The following LRPPRC variants were observed in gnomAD, a reference collection of about 807,000 sequenced individuals.
LRPPRC encodes the protein leucine-rich PPR motif-containing protein, mitochondrial.
LRPPRC carries 120 observed loss-of-function variants against 180.3 expected under a neutral mutation model. That is an observed-to-expected ratio of 0.67 (90% CI 0.57 to 0.77). The LOEUF is 0.77. Among genes scored for constraint, LRPPRC ranks in the 30% least tolerant of loss-of-function variants. LRPPRC has a pLI of 0.00. For missense variants in LRPPRC, 2,012 were observed against 1,657.2 expected, an observed-to-expected ratio of 1.21 and a Z score of -3.72; for synonymous variants, 723 against 600.0, an observed-to-expected ratio of 1.21 and a Z score of -3.00.
Position 43,889,718 on chromosome 2 carries a change from A to G in LRPPRC, c.4128+16T>C, listed in dbSNP as rs1366183471. The G allele has an allele frequency of 1.9e-6, 3 of 1,600,810 alleles. 1 individual carries two copies. Among genetic ancestry groups the G allele is most frequent in the Non-Finnish European group, 2.6e-6 (3 of 1,168,682 alleles). ...TCTGCAGAGGTATTTTTTCCCCTTA[A>G]TTAAGAAATACTCACAGGGGGTTCA... is the stretch of plus-strand genomic sequence containing the variant. On this transcript the variant is annotated intron_variant, in intron 37 of 37. Coordinates refer to ENST00000260665, the MANE Select transcript of LRPPRC (RefSeq NM_133259.4).
At position 43,977,259 on chromosome 2, in the gene LRPPRC, T is replaced by A. The variant is rs1674099614; in HGVS notation, c.487A>T (p.Ser163Cys). Residue 163 changes from serine (S) to cysteine (C), a missense_variant, in exon 4 of 38, where the codon AGT becomes TGT. Coordinates refer to ENST00000260665, the MANE Select transcript of LRPPRC (RefSeq NM_133259.4). ...LQKLGAVYDV[S>C]HYNALLKVYL... Reference sequence around the variant, plus strand: ...ACTTTAAGTAAAGCATTATAGTGACTCACATCATACACAGCACCTACAAAT... The same window carrying A: ...ACTTTAAGTAAAGCATTATAGTGACACACATCATACACAGCACCTACAAAT... 6.3e-7 allele frequency: 1 copy of A among 1,599,794 alleles called. No homozygotes were observed. The highest frequency in any genetic ancestry group is 1.3e-5 in the African/African-American group (1 of 74,626).
intron 1 of LRPPRC, among the ~76,000 whole-genome samples, chr2:43,991,216 G>C (rs538072874): frequency 2.6e-5 from 4 of 151,902 alleles, no homozygotes; most frequent in African/African-American, 7.3e-5. Flanking sequence ...TTTTTAGTAA[G>C]AGACAGAATT....
At position 43,993,979 on chromosome 2, in the gene LRPPRC, A is replaced by T. The variant is rs116385619; in HGVS notation, c.149+1820T>A. ...AGATGGCTGAGATTACGCAGTAAGT[A>T]AACAGAACCCAGGTCTGATGAACAC... On this transcript the variant is annotated intron_variant, in intron 1 of 37. Coordinates refer to ENST00000260665, the MANE Select transcript of LRPPRC (RefSeq NM_133259.4). 5.9e-3 allele frequency among the ~76,000 whole-genome samples: 894 copies of T among 152,298 alleles called. 9 individuals are homozygous for T. The highest frequency in any genetic ancestry group is 0.02 in the African/African-American group (850 of 41,578).
chr2:43,887,543 T>G lies in LRPPRC; in HGVS notation c.*1057A>C, dbSNP rs993844489. ...CTGGAACAGTAGGGAGTCACCAAAT[T>G]CAAATGAACAAGGAATACCCCAAAA... On this transcript the variant is annotated 3_prime_UTR_variant, in exon 38 of 38. Transcript: ENST00000260665. 7 of 152,286 alleles carry G rather than the reference T, an allele frequency of 4.6e-5. No individual in the cohort carries two copies. Among genetic ancestry groups the G allele is most frequent in the African/African-American group, 1.7e-4 (7 of 41,558 alleles). 9.4% of individuals were successfully genotyped at this position (152,286 alleles called of 1,614,324 possible). A position where few individuals can be genotyped will look rare whatever the true frequency, so the allele number is the denominator to read the frequency against.
intron 23 of LRPPRC, among the ~76,000 whole-genome samples, chr2:43,935,887 C>T (rs1167770837): frequency 1.3e-5 from 2 of 151,970 alleles, no homozygotes; most frequent in Admixed American, 1.3e-4. Flanking sequence ...CCAAGGAGGG[C>T]GGATCACCTG....
chr2:43,970,478 T>A (rs956737452), intron 11 of LRPPRC, among the ~76,000 whole-genome samples: 8 of 152,120 alleles, frequency 5.3e-5, no homozygotes, highest in Admixed American at 5.2e-4. Context: ...AAAATACAAT[T>A]CACATTTCTT....
chr2:43,910,208 G>A (rs1447051429), intron 30 of LRPPRC, among the ~76,000 whole-genome samples: 2 of 150,772 alleles, frequency 1.3e-5, no homozygotes, highest in East Asian at 2.0e-4. Context: ...ACACTCCAGG[G>A]TAAGGCAAGG....
intron 30 of LRPPRC, 29 bp downstream of exon 30, chr2:43,912,403 A>G: frequency 6.3e-7 from 1 of 1,594,678 alleles, no homozygotes; most frequent in Non-Finnish European, 8.6e-7. Flanking sequence ...TTTTTAAACA[A>G]GAGGTTTAAT....
At chr2:43,987,491 C>CA (rs34151335) in intron 1 of LRPPRC, among the ~76,000 whole-genome samples, 49,366 of 75,724 alleles carry the variant, frequency 0.65, 16,244 homozygotes, top group Middle Eastern at 0.71. Flanking sequence ...CCAGACTCCT[C>CA]AAAAAAAAAA....
At chr2:43,925,020 C>T (rs1201533042) in intron 27 of LRPPRC, 47 bp downstream of exon 27, 3 of 1,093,376 alleles carry the variant, frequency 2.7e-6, no homozygotes, top group Non-Finnish European at 4.3e-6. Flanking sequence ...CCTGCCACTG[C>T]CTTCAACAGA....
chr2:43,895,571 A>T (rs2104981243), intron 35 of LRPPRC, among the ~76,000 whole-genome samples: 1 of 152,310 alleles, frequency 6.6e-6, no homozygotes, highest in South Asian at 2.1e-4. Flanking sequence ...GCCTCTCTGA[A>T]AGGAAAGAAG....
intron 1 of LRPPRC, among the ~76,000 whole-genome samples, chr2:43,986,697 G>A (rs769520791): frequency 2.7e-4 from 26 of 97,588 alleles, no homozygotes; most frequent in South Asian, 8.9e-4. Flanking sequence ...GCACTCAGAC[G>A]GTCTCATTCT....
intron 3 of LRPPRC, among the ~76,000 whole-genome samples, chr2:43,979,168 TAA>T (rs1674190904): frequency 6.6e-6 from 1 of 152,086 alleles, no homozygotes; most frequent in South Asian, 2.1e-4. Context: ...TGAAAAGGTA[TAA>T]AAAGGTCAAG....
chr2:43,971,491 A>AAAAAAAAAG (rs1673805335), intron 11 of LRPPRC, among the ~76,000 whole-genome samples: 4 of 146,818 alleles, frequency 2.7e-5, no homozygotes, highest in Non-Finnish European at 6.0e-5. Context: ...ACAGTAAAAA[A>AAAAAAAAAG]AAAAAAAAAA....
intron 1 of LRPPRC, among the ~76,000 whole-genome samples, chr2:43,990,785 TCA>T (rs1476409753): frequency 1.3e-5 from 2 of 151,702 alleles, no homozygotes; most frequent in Admixed American, 1.3e-4. Context: ...AAATCTACAC[TCA>T]CAGAGCAGAG....
At position 43,888,491 on chromosome 2, in the gene LRPPRC, A is replaced by ATAAG. The variant is rs1178784096; in HGVS notation, c.*105_*108dup. The ATAAG allele has an allele frequency of 6.9e-6, 5 of 720,964 alleles. No individual in the cohort carries two copies. Among genetic ancestry groups the ATAAG allele is most frequent in the South Asian group, 1.5e-5 (1 of 67,672 alleles). 44.7% of individuals were successfully genotyped at this position (720,964 alleles called of 1,614,324 possible). A position where few individuals can be genotyped will look rare whatever the true frequency, so the allele number is the denominator to read the frequency against. On this transcript the variant is annotated 3_prime_UTR_variant, in exon 38 of 38. Transcript: ENST00000260665. ...GACTTTGAACATGCATCACACATAC[A>ATAAG]TAAGTACATAAAGAAAATTTTCATT...
Position 43,947,340 on chromosome 2 carries a change from A to C in LRPPRC, c.1996T>G (p.Ser666Ala). 6.2e-7 allele frequency: 1 copy of C among 1,600,438 alleles called. No homozygotes were observed. Among genetic ancestry groups the C allele is most frequent in the Non-Finnish European group, 8.6e-7 (1 of 1,168,508 alleles). The change falls in exon 20 of 38, where the codon TCC (serine) becomes GCC (alanine). Residue 666 changes from serine to alanine, a missense_variant. Coordinates refer to ENST00000260665, the MANE Select transcript of LRPPRC (RefSeq NM_133259.4). ...TVQLTSSELE[S>A]TLETLKAENQ... is the part of the protein sequence containing the mutation. ...TCAGCTTTTAGTGTTTCAAGTGTGG[A>C]CTCCAATTCAGATGATGTAAGTTGC...
intron 25 of LRPPRC, among the ~76,000 whole-genome samples, chr2:43,933,046 C>T (rs1332548727): frequency 3.3e-5 from 5 of 152,106 alleles, no homozygotes; most frequent in Non-Finnish European, 7.4e-5. Flanking sequence ...CTTTCAGAAG[C>T]GAATGTGGAA....
chr2:43,974,903 TACTTC>T, intron 7 of LRPPRC, 145 bp from the exon 8 acceptor site: 1 of 956,984 alleles, frequency 1.0e-6, no homozygotes, highest in Non-Finnish European at 1.6e-6. Context: ...GGAAATACTC[TACTTC>T]AACAGTAACT....
Sources: allele counts gnomAD v4.1 joint callset (sites outside exome capture counted in the v4.1 genomes callset), GRCh38; gene constraint gnomAD v4.1.1; transcripts MANE v1.5; gene names NCBI Gene and HGNC (gene_info 2026-07-23, HGNC 2026-07-21).